NRXN1: variants seen among roughly 807,000 people sequenced by gnomAD.
The protein encoded by NRXN1 is neurexin-1.
A neutral mutation model predicts 150.9 loss-of-function variants in NRXN1; 39 were observed. The observed-to-expected ratio is 0.26, with a 90% CI of 0.20 to 0.34. The LOEUF (loss-of-function observed/expected upper bound fraction) is 0.34, where lower values mean the gene tolerates loss of function less well. NRXN1 is among the 10% of genes least tolerant of loss of function. The pLI, the probability that NRXN1 is intolerant of heterozygous loss-of-function variation, is 1.00. For synonymous variants in NRXN1, 924 were observed against 757.0 expected, an observed-to-expected ratio of 1.22 and a Z score of -3.62; for missense variants, 1,815 against 1,949.9, an observed-to-expected ratio of 0.93 and a Z score of 1.30.
At chr2:50,381,890 C>A (rs931390463) in intron 17 of NRXN1, among the ~76,000 whole-genome samples, 3 of 152,038 alleles carry the variant, frequency 2.0e-5, no homozygotes, top group Non-Finnish European at 4.4e-5. Context: ...GATCTGGGGC[C>A]ATAGATGCAT....
At chr2:50,050,554 C>G (rs1012399771) in intron 21 of NRXN1, among the ~76,000 whole-genome samples, 1 of 152,006 alleles carries the variant, frequency 6.6e-6, no homozygotes, top group African/African-American at 2.4e-5. Flanking sequence ...TAAAAGCAGG[C>G]GGATATGGCC....
intron 17 of NRXN1, among the ~76,000 whole-genome samples, chr2:50,383,346 A>C (rs925504825): frequency 2.6e-5 from 4 of 152,200 alleles, no homozygotes; most frequent in African/African-American, 9.6e-5. Context: ...TAGGAGAAAA[A>C]GGGCAGAAGG....
intron 7 of NRXN1, among the ~76,000 whole-genome samples, chr2:50,620,786 A>T (rs1679872376): frequency 6.6e-6 from 1 of 152,170 alleles, no homozygotes; most frequent in South Asian, 2.1e-4. Flanking sequence ...GAAAACAGGG[A>T]GAACCAAAGG....
chr2:50,550,043 C>T (rs1026862125), intron 9 of NRXN1, among the ~76,000 whole-genome samples: 1 of 152,158 alleles, frequency 6.6e-6, no homozygotes, highest in African/African-American at 2.4e-5. Context: ...ATAATGAATA[C>T]TTTCCTTTTT....
intron 5 of NRXN1, among the ~76,000 whole-genome samples, chr2:50,760,273 C>T (rs1438538407): frequency 6.6e-6 from 1 of 151,854 alleles, no homozygotes; most frequent in African/African-American, 2.4e-5. Flanking sequence ...GTCTACAGAA[C>T]CTAGCCTCTG....
chr2:50,577,921 C>T (rs1055952900), intron 8 of NRXN1, among the ~76,000 whole-genome samples: 1 of 152,050 alleles, frequency 6.6e-6, no homozygotes, highest in Non-Finnish European at 1.5e-5. Context: ...TTTGTTGGAG[C>T]ACTTGTGCAT....
rs1195947165 is a variant in NRXN1 at position 50,350,100 on chromosome 2, A to G, written c.3365-113130T>C. ...TGCTCCCATGGGGAAATACAGGGCTATGTTCCTGCAAACCTCTGATCACAT... is the reference window on the plus strand; with the variant it reads ...TGCTCCCATGGGGAAATACAGGGCTGTGTTCCTGCAAACCTCTGATCACAT... On this transcript the variant is annotated intron_variant, in intron 17 of 22. Transcript: ENST00000401669. Among the ~76,000 whole-genome samples the G allele has an allele frequency of 2.6e-5, 4 of 152,208 alleles. No individual in the cohort carries two copies. In the East Asian group the frequency reaches 7.7e-4, roughly 29 times the overall value.
intron 21 of NRXN1, among the ~76,000 whole-genome samples, chr2:50,048,490 T>C (rs929065564): frequency 6.6e-6 from 1 of 152,138 alleles, no homozygotes; most frequent in Non-Finnish European, 1.5e-5. Context: ...GCAAAATGTA[T>C]TTTGTTAGCT....
At chr2:50,497,309 G>A (rs748623472) in intron 14 of NRXN1, 24 bp downstream of exon 14, 7 of 1,424,514 alleles carry the variant, frequency 4.9e-6, no homozygotes, top group Non-Finnish European at 5.5e-6. Context: ...TTATTTATTT[G>A]CTATTGAACA....
At chr2:50,927,662 T>C (rs1264636162) in intron 2 of NRXN1, among the ~76,000 whole-genome samples, 2 of 152,054 alleles carry the variant, frequency 1.3e-5, no homozygotes, top group Non-Finnish European at 2.9e-5. Flanking sequence ...TATATTAACT[T>C]TGAAATTGTA....
rs74823925 is a variant in NRXN1, at chr2:50,954,541, A to C, written c.773-28586T>G. Among the ~76,000 whole-genome samples the C allele has an allele frequency of 1.2e-3, 190 of 152,342 alleles. 2 individuals are homozygous for C. In the East Asian group the frequency reaches 0.036, roughly 29 times the overall value. On this transcript the variant is annotated intron_variant, in intron 2 of 22. Transcript: ENST00000401669. The stretch of plus-strand genomic sequence containing the variant: ...CTCACTTGAAGGGAGTAAGCAATCA[A>C]GAAAGTTCCAGCAGAGCTGGGAAAG...
intron 5 of NRXN1, among the ~76,000 whole-genome samples, chr2:50,685,280 C>T (rs1691055569): frequency 6.6e-6 from 1 of 152,158 alleles, no homozygotes; most frequent in Non-Finnish European, 1.5e-5. Flanking sequence ...TAGCCTTCTA[C>T]AGTCTCTCTA....
At chr2:50,303,534 C>T (rs1291986173) in intron 17 of NRXN1, among the ~76,000 whole-genome samples, 2 of 152,114 alleles carry the variant, frequency 1.3e-5, no homozygotes, top group African/African-American at 4.8e-5. Flanking sequence ...CTATATACTT[C>T]CACACTTGGT....
At chr2:50,118,101 C>G (rs1437903654) in intron 18 of NRXN1, among the ~76,000 whole-genome samples, 3 of 152,074 alleles carry the variant, frequency 2.0e-5, no homozygotes, top group Non-Finnish European at 4.4e-5. Context: ...GGAGAAAATA[C>G]AAAAGTAAGA....
chr2:50,992,511 T>G (rs1220054107), intron 2 of NRXN1, among the ~76,000 whole-genome samples: 2 of 142,660 alleles, frequency 1.4e-5, no homozygotes, highest in East Asian at 4.1e-4. Context: ...ATAGGTTTAG[T>G]GCTTATAAAA....
chr2:50,480,033 A>G (rs2090342535), intron 15 of NRXN1, among the ~76,000 whole-genome samples: 1 of 152,112 alleles, frequency 6.6e-6, no homozygotes, highest in Non-Finnish European at 1.5e-5. Flanking sequence ...TTGGCCTCCC[A>G]AAGTGCTGGG....
chr2:49,988,766 T>C, intron 21 of NRXN1, among the ~76,000 whole-genome samples: 1 of 152,136 alleles, frequency 6.6e-6, no homozygotes, highest in Non-Finnish European at 1.5e-5. Flanking sequence ...GTAAAGGATA[T>C]ATGTCTGAAA....
At chr2:50,201,748 G>A (rs756036294) in intron 18 of NRXN1, among the ~76,000 whole-genome samples, 2 of 152,174 alleles carry the variant, frequency 1.3e-5, no homozygotes, top group Non-Finnish European at 2.9e-5. Context: ...TAACTAAGCA[G>A]TTCAAGCTCA....
intron 13 of NRXN1, among the ~76,000 whole-genome samples, chr2:50,500,111 A>G (rs1036782439): frequency 1.3e-5 from 2 of 152,106 alleles, no homozygotes; most frequent in African/African-American, 4.8e-5. Context: ...ACCAATAGTA[A>G]AAAAATTCTG....
Sources: gnomAD v4.1 joint callset for allele counts (sites outside exome capture counted in the v4.1 genomes callset) on GRCh38, gnomAD v4.1.1 for gene constraint, MANE v1.5 for transcripts, NCBI Gene and HGNC (gene_info 2026-07-23, HGNC 2026-07-21) for gene names.